The following KCNIP4 variants were observed in gnomAD, a reference collection of about 807,000 sequenced individuals.
KCNIP4 encodes the protein Kv channel-interacting protein 4.
A neutral mutation model predicts 34.0 loss-of-function variants in KCNIP4; 12 were observed. The observed-to-expected ratio is 0.35, with a 90% CI of 0.23 to 0.57. The LOEUF is 0.57. Ranked by LOEUF, KCNIP4 falls within the 20% of genes least tolerant of loss-of-function variation. KCNIP4 has a pLI of 0.83. For missense variants in KCNIP4, 238 were observed against 311.7 expected (o/e 0.76, Z 1.78); for synonymous variants, 124 against 102.2 (o/e 1.21, Z -1.29).
intron 1 of KCNIP4, among the ~76,000 whole-genome samples, chr4:20,899,659 C>T (rs1357319750): frequency 6.6e-6 from 1 of 152,120 alleles, no homozygotes; most frequent in Non-Finnish European, 1.5e-5. Context: ...TAATGCAATA[C>T]ACAAGTTTTT....
chr4:21,335,162 A>G (rs1716053690), intron 1 of KCNIP4, among the ~76,000 whole-genome samples: 1 of 152,016 alleles, frequency 6.6e-6, no homozygotes, highest in African/African-American at 2.4e-5. Flanking sequence ...AGGAAAAAAA[A>G]ATACACATCA....
chr4:21,273,696 A>G (rs1762283414), intron 1 of KCNIP4, among the ~76,000 whole-genome samples: 1 of 152,188 alleles, frequency 6.6e-6, no homozygotes, highest in Non-Finnish European at 1.5e-5. Flanking sequence ...AATTCCACTT[A>G]CACTAAAACC....
intron 1 of KCNIP4, among the ~76,000 whole-genome samples, chr4:21,431,857 A>C (rs1026397230): frequency 1.3e-5 from 2 of 151,384 alleles, no homozygotes; most frequent in Admixed American, 6.6e-5. Context: ...TTTAGGAAAA[A>C]AAAAAGTGAC....
chr4:21,782,973 G>A (rs954551592), intron 1 of KCNIP4, among the ~76,000 whole-genome samples: 2 of 152,084 alleles, frequency 1.3e-5, no homozygotes, highest in Admixed American at 6.6e-5. Flanking sequence ...ATTGTAGATA[G>A]GGACAACAAA....
chr4:20,980,128 G>A (rs1365445938), intron 1 of KCNIP4, among the ~76,000 whole-genome samples: 3 of 152,176 alleles, frequency 2.0e-5, no homozygotes, highest in Non-Finnish European at 4.4e-5. Flanking sequence ...TGCTTCTACT[G>A]GCCATGGCCT....
At position 21,821,994 on chromosome 4, in the gene KCNIP4, T is replaced by G. The variant is rs116307532; in HGVS notation, c.61+126577A>C. On this transcript the variant is annotated intron_variant, in intron 1 of 8. Transcript: ENST00000382152. ...CACCAAGATGAAGCGCTAAAGCTAA[T>G]GTTTACAAAATAAAAAACTGGTGCA... 4.0e-3 allele frequency among the ~76,000 whole-genome samples: 612 copies of G among 152,236 alleles called. 4 individuals carry two copies. Among genetic ancestry groups the G allele is most frequent in the African/African-American group, 0.014 (582 of 41,550 alleles).
At chr4:21,381,865 G>T (rs116394406) in intron 1 of KCNIP4, among the ~76,000 whole-genome samples, 1 of 152,078 alleles carries the variant, frequency 6.6e-6, no homozygotes, top group Non-Finnish European at 1.5e-5. Context: ...AGCAGTGAGC[G>T]CAAAGAGACC....
chr4:21,769,505 T>G (rs1166028415), intron 1 of KCNIP4, among the ~76,000 whole-genome samples: 3 of 152,164 alleles, frequency 2.0e-5, no homozygotes, highest in African/African-American at 4.8e-5. Context: ...TGTGGTTTTA[T>G]GTTTAGAAAT....
intron 1 of KCNIP4, among the ~76,000 whole-genome samples, chr4:20,987,988 G>A (rs1463435469): frequency 6.8e-4 from 37 of 54,546 alleles, no homozygotes; most frequent in African/African-American, 3.3e-3. Flanking sequence ...GCGACACGGC[G>A]AGATTCCATC....
At chr4:20,822,832 A>G (rs1056282070) in intron 3 of KCNIP4, among the ~76,000 whole-genome samples, 2 of 152,090 alleles carry the variant, frequency 1.3e-5, no homozygotes, top group Admixed American at 6.5e-5. Context: ...ACCTTTTGAG[A>G]AGTGATTAAG....
intron 8 of KCNIP4, chr4:20,731,309 AGTTAT>A (rs2149257827): frequency 1.2e-6 from 1 of 810,814 alleles, no homozygotes; most frequent in South Asian, 5.6e-5. Flanking sequence ...CCTGGCCTTA[AGTTAT>A]CTTCCCGCCT....
chr4:21,406,536 C>T (rs971078619), intron 1 of KCNIP4, among the ~76,000 whole-genome samples: 4 of 152,106 alleles, frequency 2.6e-5, no homozygotes, highest in Admixed American at 6.5e-5. Context: ...AATCACAACT[C>T]GAGCTCATCT....
chr4:21,126,919 G>A (rs1451911549), intron 1 of KCNIP4, among the ~76,000 whole-genome samples: 1 of 152,160 alleles, frequency 6.6e-6, no homozygotes, highest in Non-Finnish European at 1.5e-5. Context: ...AAAGAAGACT[G>A]GTATCTAGGC....
At chr4:20,919,571 C>T (rs1012762006) in intron 1 of KCNIP4, among the ~76,000 whole-genome samples, 1 of 151,658 alleles carries the variant, frequency 6.6e-6, no homozygotes, top group Non-Finnish European at 1.5e-5. Flanking sequence ...GGCGTGGTGG[C>T]GGGCACCTGT....
intron 1 of KCNIP4, among the ~76,000 whole-genome samples, chr4:21,493,140 C>T (rs1479240152): frequency 6.6e-6 from 1 of 150,824 alleles, no homozygotes; most frequent in Non-Finnish European, 1.5e-5. Context: ...ATGGAGTCCC[C>T]ATGGGGCCAT....
chr4:21,089,171 G>C (rs932138923), intron 1 of KCNIP4, among the ~76,000 whole-genome samples: 9 of 152,186 alleles, frequency 5.9e-5, no homozygotes, highest in African/African-American at 2.2e-4. Flanking sequence ...TCCAATGTTG[G>C]AGTAGGGGCC....
intron 1 of KCNIP4, among the ~76,000 whole-genome samples, chr4:21,213,898 A>G (rs552540683): frequency 6.6e-6 from 1 of 152,068 alleles, no homozygotes; most frequent in African/African-American, 2.4e-5. Flanking sequence ...TGATTTCTCC[A>G]CCTCACATTC....
intron 3 of KCNIP4, among the ~76,000 whole-genome samples, chr4:20,846,308 A>G (rs1026221563): frequency 1.3e-5 from 2 of 152,338 alleles, no homozygotes; most frequent in Admixed American, 6.5e-5. Flanking sequence ...ACTAGGTTAT[A>G]TATTATTAAT....
intron 1 of KCNIP4, among the ~76,000 whole-genome samples, chr4:20,963,761 T>G (rs957947896): frequency 6.6e-6 from 1 of 152,058 alleles, no homozygotes; most frequent in Admixed American, 6.6e-5. Flanking sequence ...AGCAGGCTGG[T>G]GATTTCAGGG....
Sources: gnomAD v4.1 joint callset for allele counts (sites outside exome capture counted in the v4.1 genomes callset) on GRCh38, gnomAD v4.1.1 for gene constraint, MANE v1.5 for transcripts, NCBI Gene and HGNC (gene_info 2026-07-23, HGNC 2026-07-21) for gene names.